Variants in CEPT1 observed in about 807,000 individuals in gnomAD.
CEPT1 encodes the protein choline/ethanolamine phosphotransferase 1.
In CEPT1, 7 loss-of-function variants were observed where a neutral mutation model predicts 42.6. That is an observed-to-expected ratio of 0.16 (90% CI 0.09 to 0.31). CEPT1 has a LOEUF of 0.31. Among genes scored for constraint, CEPT1 ranks in the 10% least tolerant of loss-of-function variants. The pLI is 1.00. For synonymous variants in CEPT1, 171 were observed against 171.9 expected, an observed-to-expected ratio of 0.99 and a Z score of 0.04; for missense variants, 306 against 502.1, an observed-to-expected ratio of 0.61 and a Z score of 3.73.
At chr1:111,141,402 A>T (rs922400995) in intron 1 of CEPT1, among the ~76,000 whole-genome samples, 4 of 152,242 alleles carry the variant, frequency 2.6e-5, no homozygotes, top group Non-Finnish European at 5.9e-5. Flanking sequence ...CACATTTAAG[A>T]AATAAGTTAG....
chr1:111,159,258 AG>A (rs1655747987), intron 2 of CEPT1, 121 bp from the exon 3 acceptor site: 15 of 869,174 alleles, frequency 1.7e-5, no homozygotes, highest in South Asian at 3.2e-5. Flanking sequence ...TTCATTATGT[AG>A]CACTTGGATC....
At chr1:111,164,117 T>C (rs1397977244) in intron 4 of CEPT1, among the ~76,000 whole-genome samples, 1 of 152,232 alleles carries the variant, frequency 6.6e-6, no homozygotes, top group Non-Finnish European at 1.5e-5. Context: ...TTAATTGCTA[T>C]TAAGTTTGCT....
At chr1:111,176,681 G>C (rs1656692077) in intron 5 of CEPT1, among the ~76,000 whole-genome samples, 1 of 152,074 alleles carries the variant, frequency 6.6e-6, no homozygotes, top group African/African-American at 2.4e-5. Flanking sequence ...GGTATCTTGA[G>C]ATACCAAGTC....
intron 4 of CEPT1, chr1:111,167,244 A>T (rs746547199): frequency 1.0e-4 from 99 of 985,254 alleles, no homozygotes; most frequent in Non-Finnish European, 1.1e-4. Flanking sequence ...AATTCAATAA[A>T]GACAGCACCT....
chr1:111,172,598 C>A (rs1020832854), intron 4 of CEPT1, among the ~76,000 whole-genome samples: 9 of 152,142 alleles, frequency 5.9e-5, no homozygotes, highest in Non-Finnish European at 1.2e-4. Flanking sequence ...TAAACAAAAT[C>A]ATAAACTCTT....
intron 4 of CEPT1, among the ~76,000 whole-genome samples, chr1:111,162,202 T>G (rs1016711815): frequency 4.2e-4 from 64 of 152,218 alleles, no homozygotes; most frequent in African/African-American, 1.4e-3. Context: ...CAAAAGTGCC[T>G]TTTAGAAAGA....
intron 4 of CEPT1, among the ~76,000 whole-genome samples, chr1:111,174,676 T>C (rs1656587951): frequency 6.6e-6 from 1 of 152,042 alleles, no homozygotes; most frequent in Non-Finnish European, 1.5e-5. Context: ...CTCTTTGAAA[T>C]TCATCAAATT....
In CEPT1 at chr1:111,184,505, A is replaced by C. The variant is rs12404986; in HGVS notation, c.*195A>C. The C allele has an allele frequency of 2.4e-3, 1,088 of 448,764 alleles. 6 individuals carry two copies. The highest frequency in any genetic ancestry group is 0.016 in the Middle Eastern group (27 of 1,668). 27.8% of individuals were successfully genotyped at this position (448,764 alleles called of 1,614,324 possible). A position where few individuals can be genotyped will look rare whatever the true frequency, so the allele number is the denominator to read the frequency against. ...TTTCAAGTCCCATCTTGTAAATTGT[A>C]TATGTTGTCATGCAGGGTTTGGGCC... On this transcript the variant is annotated 3_prime_UTR_variant, in exon 9 of 9. Coordinates refer to ENST00000357172, the MANE Select transcript of CEPT1 (RefSeq NM_006090.5).
intron 4 of CEPT1, among the ~76,000 whole-genome samples, chr1:111,171,396 T>A (rs1656406507): frequency 6.6e-6 from 1 of 152,210 alleles, no homozygotes; most frequent in African/African-American, 2.4e-5. Flanking sequence ...GTTCCCTTGT[T>A]TAAAAGTTTA....
intron 5 of CEPT1, among the ~76,000 whole-genome samples, chr1:111,176,973 T>G (rs1251744431): frequency 2.0e-5 from 3 of 152,224 alleles, no homozygotes; most frequent in Non-Finnish European, 4.4e-5. Flanking sequence ...GAAAAGATAA[T>G]GTATTCAGGG....
rs1656820836 is a variant in CEPT1, at chr1:111,178,658, G to A, written c.715-3529G>A. 8 of 152,108 alleles carry A rather than the reference G, an allele frequency of 5.3e-5. 2 individuals carry two copies. The South Asian group carries it at 1.7e-3, about 32-fold the overall frequency. 9.4% of individuals were successfully genotyped at this position (152,108 alleles called of 1,614,324 possible). A position where few individuals can be genotyped will look rare whatever the true frequency, so the allele number is the denominator to read the frequency against. On this transcript the variant is annotated intron_variant, in intron 5 of 8. Coordinates refer to ENST00000357172, the MANE Select transcript of CEPT1 (RefSeq NM_006090.5). The stretch of plus-strand genomic sequence containing the variant: ...AAGAAGAATATATTCTTATTTGGAA[G>A]AGACTTAATATAATCAACTCATGGT...
intron 4 of CEPT1, among the ~76,000 whole-genome samples, chr1:111,171,010 C>G (rs894075393): frequency 2.0e-5 from 3 of 152,078 alleles, no homozygotes; most frequent in African/African-American, 7.2e-5. Context: ...GCATATGTCA[C>G]ATGTAGAAGA....
chr1:111,167,357 TA>T, intron 4 of CEPT1: 1 of 952,266 alleles, frequency 1.1e-6, no homozygotes, highest in Non-Finnish European at 1.3e-6. Flanking sequence ...ATTAGGGCAA[TA>T]AAAATCCACC....
Position 111,149,266 on chromosome 1 carries a change from C to CT in CEPT1, c.339+1227dup, listed in dbSNP as rs775722606. Among the ~76,000 whole-genome samples, 884 of 127,820 alleles carry CT rather than the reference C, an allele frequency of 6.9e-3. 16 individuals carry two copies. The highest frequency in any genetic ancestry group is 0.01 in the Admixed American group (126 of 12,332). The allele number at this position is 127,820 out of a possible 152,430, so 83.9% of individuals were successfully genotyped here. ...ATAGATGTAAAATCTGGTTTCTCCTCTTTTTTTTTTTTTTGAGACAGGGTC... is the reference window on the plus strand; with the variant it reads ...ATAGATGTAAAATCTGGTTTCTCCTCTTTTTTTTTTTTTTTGAGACAGGGTC... On this transcript the variant is annotated intron_variant, in intron 2 of 8. Coordinates refer to ENST00000357172, the MANE Select transcript of CEPT1 (RefSeq NM_006090.5).
Position 111,174,787 on chromosome 1 carries a change from T to A in CEPT1, c.630-92T>A, listed in dbSNP as rs1209586750. On this transcript the variant is annotated intron_variant, in intron 4 of 8. Coordinates refer to ENST00000357172, the MANE Select transcript of CEPT1 (RefSeq NM_006090.5). ...TATTTGAGATTTTTTTTTTCTATTG[T>A]GCATGATAGAGGAATGCTGCTAAGC... 6 of 799,522 alleles carry A rather than the reference T, an allele frequency of 7.5e-6. No homozygotes were observed. The Admixed American group carries it at 1.1e-4, about 15-fold the overall frequency. 49.5% of individuals were successfully genotyped at this position (799,522 alleles called of 1,614,324 possible).
chr1:111,183,285 T>C (rs778066634), intron 7 of CEPT1, among the ~76,000 whole-genome samples, 177 bp from the exon 8 acceptor site: 9 of 152,238 alleles, frequency 5.9e-5, no homozygotes, highest in Non-Finnish European at 1.2e-4. Context: ...TTAGTTGACA[T>C]GATACATCCC....
At position 111,147,780 on chromosome 1, in the gene CEPT1, C is replaced by T. The variant is rs144029007; in HGVS notation, c.66C>T (p.Phe22=). The T allele has an allele frequency of 2.2e-5, 35 of 1,613,938 alleles. No homozygotes were observed. Among genetic ancestry groups the T allele is most frequent in the Middle Eastern group, 1.6e-4 (1 of 6,084 alleles). The change falls in exon 2 of 9, where the codon TTC becomes TTT. Residue 22 remains phenylalanine (F), a synonymous_variant. Transcript: ENST00000357172. ...GDSHPESPVG[F]GHMSTTGCVL... is the part of the protein sequence containing the mutation. ...CTCACCCGGAGTCCCCAGTGGGCTT[C>T]GGGCATATGAGTACTACAGGATGTG...
chr1:111,170,188 AT>A (rs1656350048), intron 4 of CEPT1, among the ~76,000 whole-genome samples: 1 of 152,114 alleles, frequency 6.6e-6, no homozygotes, highest in African/African-American at 2.4e-5. Context: ...TTTGGGTCTT[AT>A]TGTTTTCAAA....
At chr1:111,170,438 C>T (rs919868980) in intron 4 of CEPT1, among the ~76,000 whole-genome samples, 15 of 152,198 alleles carry the variant, frequency 9.9e-5, no homozygotes, top group Non-Finnish European at 1.6e-4. Context: ...GTCTTGCTGT[C>T]TGTTTTCCCA....
Sources: gnomAD v4.1 joint callset for allele counts (sites outside exome capture counted in the v4.1 genomes callset) on GRCh38, gnomAD v4.1.1 for gene constraint, MANE v1.5 for transcripts, NCBI Gene and HGNC (gene_info 2026-07-23, HGNC 2026-07-21) for gene names.